Variants in CSMD1 observed in about 807,000 individuals in gnomAD.
CSMD1 encodes the protein CUB and sushi domain-containing protein 1.
CSMD1 carries 213 observed loss-of-function variants against 417.5 expected under a neutral mutation model. The observed-to-expected ratio is 0.51, with a 90% CI of 0.46 to 0.57. The LOEUF (loss-of-function observed/expected upper bound fraction) is 0.57, where lower values mean the gene tolerates loss of function less well. Ranked by LOEUF, CSMD1 falls within the 20% of genes least tolerant of loss-of-function variation. The probability of loss-of-function intolerance (pLI) is 0.00; values close to 1 mark genes in which losing one functional copy is unlikely to be tolerated. For synonymous variants in CSMD1, 2,862 were observed against 1,736.8 expected (o/e 1.65, Z -16.11); for missense variants, 6,923 against 4,529.7 (o/e 1.53, Z -15.17).
chr8:4,359,959 A>T (rs1251110497), intron 3 of CSMD1, among the ~76,000 whole-genome samples: 3 of 152,210 alleles, frequency 2.0e-5, no homozygotes, highest in African/African-American at 7.2e-5. Context: ...GAGATCTTCC[A>T]CATGGTTAGG....
chr8:3,892,433 T>C (rs10109340), intron 5 of CSMD1, among the ~76,000 whole-genome samples: 32 of 151,880 alleles, frequency 2.1e-4, no homozygotes, highest in Non-Finnish European at 8.8e-5. Context: ...GCTTGTGAAG[T>C]GACAGGCTTC....
chr8:3,828,355 T>C (rs746155382), intron 5 of CSMD1, among the ~76,000 whole-genome samples: 7 of 152,210 alleles, frequency 4.6e-5, no homozygotes, highest in Non-Finnish European at 1.0e-4. Context: ...AAGAATCTGT[T>C]AGGATTTTCA....
rs146487304 is a variant in CSMD1, at chr8:4,245,463, C to T, written c.415+174490G>A. Among the ~76,000 whole-genome samples, 1,023 of 152,124 alleles carry T rather than the reference C, an allele frequency of 6.7e-3. 22 individuals are homozygous for T. Among genetic ancestry groups the T allele is most frequent in the Non-Finnish European group, 3.9e-3 (267 of 67,994 alleles). ...GGTGCTCAACACAATCACGAGACAC[C>T]CAACTCAGCAAACAAAAACTCTTCA... On this transcript the variant is annotated intron_variant, in intron 3 of 69. Coordinates refer to ENST00000635120, the MANE Select transcript of CSMD1 (RefSeq NM_033225.6).
intron 26 of CSMD1, among the ~76,000 whole-genome samples, chr8:3,277,744 G>T (rs1357107637): frequency 6.6e-6 from 1 of 152,164 alleles, no homozygotes; most frequent in Non-Finnish European, 1.5e-5. Context: ...GGACACTCAG[G>T]GGAGAAGCCT....
intron 23 of CSMD1, among the ~76,000 whole-genome samples, chr8:3,327,060 T>C (rs1233933989): frequency 6.6e-6 from 1 of 151,224 alleles, no homozygotes; most frequent in Non-Finnish European, 1.5e-5. Flanking sequence ...GTGGAAAGGT[T>C]GGCAAGGATT....
At chr8:4,255,495 G>T (rs144570698) in intron 3 of CSMD1, among the ~76,000 whole-genome samples, 4 of 152,308 alleles carry the variant, frequency 2.6e-5, no homozygotes, top group African/African-American at 7.2e-5. Context: ...GATCTCATTT[G>T]AAATGTGCAA....
At chr8:3,486,125 C>T (rs1040773162) in intron 11 of CSMD1, among the ~76,000 whole-genome samples, 3 of 152,114 alleles carry the variant, frequency 2.0e-5, no homozygotes, top group Admixed American at 6.5e-5. Flanking sequence ...CTCCTCTTTC[C>T]TTGTTTCTTT....
chr8:4,556,346 G>C (rs960867881), intron 2 of CSMD1, among the ~76,000 whole-genome samples: 1 of 152,090 alleles, frequency 6.6e-6, no homozygotes, highest in East Asian at 1.9e-4. Flanking sequence ...AATGTTTAAG[G>C]TTATGAAGAT....
rs541970631 is a variant in CSMD1 at position 4,609,563 on chromosome 8, A to G, written c.302+27779T>C. On this transcript the variant is annotated intron_variant, in intron 2 of 69. Transcript: ENST00000635120. ...TTGTACTAAACACTTTATGTACAAA[A>G]GTGAGCAGAATAAACAGCCACTGCC... 1.4e-3 allele frequency among the ~76,000 whole-genome samples: 218 copies of G among 152,360 alleles called. 1 individual carries two copies. The highest frequency in any genetic ancestry group is 4.9e-3 in the African/African-American group (205 of 41,594).
At chr8:4,011,311 A>C (rs1278253682) in intron 4 of CSMD1, among the ~76,000 whole-genome samples, 1 of 152,180 alleles carries the variant, frequency 6.6e-6, no homozygotes, top group African/African-American at 2.4e-5. Context: ...TGCTCTCTGC[A>C]TATAACCGTG....
At chr8:4,742,223 G>A (rs1162693829) in intron 1 of CSMD1, among the ~76,000 whole-genome samples, 2 of 150,500 alleles carry the variant, frequency 1.3e-5, no homozygotes, top group Admixed American at 6.6e-5. Context: ...GTAGAGACGG[G>A]GTTTCACCTT....
intron 5 of CSMD1, among the ~76,000 whole-genome samples, chr8:3,885,162 A>C (rs566236049): frequency 1.3e-5 from 2 of 152,200 alleles, no homozygotes; most frequent in East Asian, 3.9e-4. Flanking sequence ...TGACTGTATC[A>C]GCGTTGAGTT....
intron 1 of CSMD1, among the ~76,000 whole-genome samples, chr8:4,912,135 A>AAAAAAAAAG (rs765904838): frequency 1.9e-4 from 22 of 115,612 alleles, no homozygotes; most frequent in African/African-American, 3.2e-4. Context: ...AAAAAAAAAA[A>AAAAAAAAAG]AAAAAAGAAA....
chr8:3,865,392 C>T (rs1563157775), intron 5 of CSMD1, among the ~76,000 whole-genome samples: 1 of 152,126 alleles, frequency 6.6e-6, no homozygotes, highest in Admixed American at 6.5e-5. Context: ...TCCCTCAGTC[C>T]CTGGGCTCCT....
chr8:4,685,443 C>T (rs2116734055), intron 1 of CSMD1, among the ~76,000 whole-genome samples: 1 of 152,224 alleles, frequency 6.6e-6, no homozygotes, highest in Non-Finnish European at 1.5e-5. Flanking sequence ...AGTGTGGTGG[C>T]ACGTGCCTGT....
At chr8:4,431,744 T>C (rs10088898) in intron 2 of CSMD1, among the ~76,000 whole-genome samples, 27,797 of 152,140 alleles carry the variant, frequency 0.18, 2,797 homozygotes, top group East Asian at 0.26. Context: ...GTTCTAACAA[T>C]TTTGAAACCA....
At chr8:4,846,950 G>C (rs905755484) in intron 1 of CSMD1, among the ~76,000 whole-genome samples, 4 of 152,010 alleles carry the variant, frequency 2.6e-5, no homozygotes, top group Non-Finnish European at 4.4e-5. Context: ...GGGAGAAAAA[G>C]ATTATGTAGT....
At chr8:4,293,025 G>A (rs560970321) in intron 3 of CSMD1, among the ~76,000 whole-genome samples, 12 of 152,288 alleles carry the variant, frequency 7.9e-5, no homozygotes, top group Admixed American at 7.2e-4. Flanking sequence ...GGGAAAGTGT[G>A]GTTATGGCTT....
chr8:3,465,505 G>A (rs760757957), intron 12 of CSMD1, among the ~76,000 whole-genome samples: 3 of 152,118 alleles, frequency 2.0e-5, no homozygotes, highest in Admixed American at 6.5e-5. Context: ...TGTGCTGGCA[G>A]GGGGTAGTGG....
Sources: allele counts gnomAD v4.1 joint callset (sites outside exome capture counted in the v4.1 genomes callset), GRCh38; gene constraint gnomAD v4.1.1; transcripts MANE v1.5; gene names NCBI Gene and HGNC (gene_info 2026-07-23, HGNC 2026-07-21).